ZNF827: variants seen among roughly 807,000 people sequenced by gnomAD.
ZNF827 encodes zinc finger protein 827.
A neutral mutation model predicts 102.4 loss-of-function variants in ZNF827; 13 were observed. The ratio of observed to expected loss-of-function variants is 0.13; its 90% CI spans 0.08 to 0.20. The LOEUF is 0.20. Among genes scored for constraint, ZNF827 ranks in the 10% least tolerant of loss-of-function variants. ZNF827 has a pLI of 1.00. For missense variants in ZNF827, 1,103 were observed against 1,344.4 expected (o/e 0.82, Z 2.81); for synonymous variants, 523 against 536.2 (o/e 0.98, Z 0.34).
chr4:145,902,911 G>A lies in ZNF827; in HGVS notation c.348C>T (p.Asn116=), dbSNP rs1007041612. 1.9e-6 allele frequency: 3 copies of A among 1,614,064 alleles called. No homozygotes were observed. In the African/African-American group the frequency reaches 4.0e-5, roughly 22 times the overall value. The change falls in exon 2 of 15, where the codon AAC becomes AAT. Residue 116 remains asparagine, a synonymous_variant. Transcript: ENST00000508784. This position sits in a 1 kb window ranked among gnomAD's most constrained non-coding sequence, Gnocchi z 4.3. ...GCCTCAAATTGCTGCTCAGGGGCTTGTTGGAGCCTGGGTCATCGTCACACA... is the reference window on the plus strand; with the variant it reads ...GCCTCAAATTGCTGCTCAGGGGCTTATTGGAGCCTGGGTCATCGTCACACA... ...SSLCDDDPGS[N]KPLSSNLRRL...
rs1270082675 is a variant in ZNF827, at chr4:145,846,031, G to A, written c.2222-18C>T. ...CACTTTTTCTGTAAGGAGAAAGAAT[G>A]AAACATACACCTCTTAGGTTGTTCT... On this transcript the variant is annotated intron_variant, in intron 6 of 14. Transcript: ENST00000508784. The A allele has an allele frequency of 6.2e-7, 1 of 1,613,794 alleles. No homozygotes were observed. The highest frequency in any genetic ancestry group is 1.1e-5 in the South Asian group (1 of 91,060).
chr4:145,823,553 T>G, intron 7 of ZNF827, 28 bp from the exon 8 acceptor site: 9 of 1,500,612 alleles, frequency 6.0e-6, no homozygotes, highest in Non-Finnish European at 8.4e-6. Context: ...GAGTGAAGTT[T>G]AGTAAATTAA....
At chr4:145,917,514 C>G (rs916395466) in intron 1 of ZNF827, among the ~76,000 whole-genome samples, 1 of 151,882 alleles carries the variant, frequency 6.6e-6, no homozygotes, top group Non-Finnish European at 1.5e-5. Context: ...CTTAAAGTCC[C>G]TCTTGATTAC....
At chr4:145,922,881 CA>C (rs1256887673) in intron 1 of ZNF827, among the ~76,000 whole-genome samples, 1 of 152,196 alleles carries the variant, frequency 6.6e-6, no homozygotes, top group Non-Finnish European at 1.5e-5. Flanking sequence ...AGCTTTCAAA[CA>C]AGAATTAAAA....
intron 1 of ZNF827, among the ~76,000 whole-genome samples, chr4:145,913,073 T>C (rs1357001413): frequency 6.6e-6 from 1 of 151,990 alleles, no homozygotes; most frequent in Non-Finnish European, 1.5e-5. Flanking sequence ...GGACTATGAG[T>C]GGACTAATAA....
intron 1 of ZNF827, among the ~76,000 whole-genome samples, chr4:145,918,332 C>CAAAAAAA (rs34428145): frequency 9.0e-5 from 2 of 22,142 alleles, no homozygotes; most frequent in African/African-American, 2.3e-4. Context: ...TAGCTCAAGG[C>CAAAAAAA]AAAAAAAAAA....
At chr4:145,833,598 G>A (rs549021860) in intron 7 of ZNF827, among the ~76,000 whole-genome samples, 12 of 152,058 alleles carry the variant, frequency 7.9e-5, no homozygotes, top group East Asian at 3.9e-4. Context: ...GGCAAGTCCC[G>A]CTTTTCTACG....
intron 1 of ZNF827, among the ~76,000 whole-genome samples, chr4:145,918,842 GTT>G (rs1752870554): frequency 6.6e-6 from 1 of 152,202 alleles, no homozygotes; most frequent in Admixed American, 6.5e-5. Flanking sequence ...GAAAGCCACT[GTT>G]TTAGATGACC....
At chr4:145,914,169 A>G (rs974191005) in intron 1 of ZNF827, among the ~76,000 whole-genome samples, 1 of 152,162 alleles carries the variant, frequency 6.6e-6, no homozygotes, top group Admixed American at 6.5e-5. Context: ...AAAACTTCAT[A>G]CAGTAAGTCC....
At chr4:145,828,147 G>A (rs1447302059) in intron 7 of ZNF827, among the ~76,000 whole-genome samples, 2 of 152,112 alleles carry the variant, frequency 1.3e-5, no homozygotes, top group Non-Finnish European at 2.9e-5. Context: ...ACTTTACGAC[G>A]TGCCCCGAAG....
At chr4:145,853,795 A>G (rs375555126) in intron 5 of ZNF827, among the ~76,000 whole-genome samples, 5 of 151,998 alleles carry the variant, frequency 3.3e-5, no homozygotes, top group Admixed American at 6.6e-5. Context: ...GCAAAACCCT[A>G]TATCATAAAA....
chr4:145,878,970 A>C (rs1749432323), intron 4 of ZNF827, among the ~76,000 whole-genome samples: 1 of 152,154 alleles, frequency 6.6e-6, no homozygotes, highest in African/African-American at 2.4e-5. Context: ...GATGGAGTGT[A>C]GATGAAAATT....
intron 2 of ZNF827, 140 bp from the exon 3 acceptor site, chr4:145,892,555 A>G (rs944322373): frequency 7.3e-6 from 7 of 963,532 alleles, no homozygotes; most frequent in Non-Finnish European, 1.0e-5. Flanking sequence ...GATTTTATCC[A>G]TAAGAAAGTT....
Position 145,759,179 on chromosome 4 carries a change from T to C in ZNF827, c.*2437A>G, listed in dbSNP as rs1465927930. The C allele has an allele frequency of 1.3e-5, 2 of 152,242 alleles. No individual in the cohort carries two copies. Among genetic ancestry groups the C allele is most frequent in the Non-Finnish European group, 2.9e-5 (2 of 68,042 alleles). The allele number at this position is 152,242 out of a possible 1,614,324, so 9.4% of individuals were successfully genotyped here. A position where few individuals can be genotyped will look rare whatever the true frequency, so the allele number is the denominator to read the frequency against. On this transcript the variant is annotated 3_prime_UTR_variant, in exon 15 of 15. Transcript: ENST00000508784. ...CTTTTATATTCCAAACTTCCCATTA[T>C]TATACAAAGAACATTTCTTCCTGCT... is the stretch of plus-strand genomic sequence containing the variant.
In ZNF827 at chr4:145,923,861, A is replaced by C. The variant is rs572816516; in HGVS notation, c.43+14504T>G. On this transcript the variant is annotated intron_variant, in intron 1 of 14. Transcript: ENST00000508784. ...AATAGATACAATGCATACGCACAAA[A>C]GGTTTTTGGAGTTTAGGGGTCCTGG... 2.0e-5 allele frequency among the ~76,000 whole-genome samples: 3 copies of C among 152,356 alleles called. No homozygotes were observed. The East Asian group carries it at 5.8e-4, about 29-fold the overall frequency.
At chr4:145,769,819 A>G (rs1735966495) in intron 11 of ZNF827, among the ~76,000 whole-genome samples, 1 of 152,246 alleles carries the variant, frequency 6.6e-6, no homozygotes, top group Non-Finnish European at 1.5e-5. Context: ...CTTAAAAAAC[A>G]AAACAAAACC....
chr4:145,796,882 C>T (rs868311054), intron 8 of ZNF827, among the ~76,000 whole-genome samples: 8 of 152,156 alleles, frequency 5.3e-5, no homozygotes, highest in South Asian at 4.1e-4. Context: ...CCACCAGCCT[C>T]GGCCTCCCAA....
At chr4:145,904,397 G>A (rs980976446) in intron 1 of ZNF827, among the ~76,000 whole-genome samples, 3 of 152,210 alleles carry the variant, frequency 2.0e-5, no homozygotes, top group African/African-American at 7.2e-5. Context: ...TAAGTCCATG[G>A]AAAACCACAT....
intron 7 of ZNF827, chr4:145,839,354 A>G (rs1745195429): frequency 6.6e-6 from 1 of 152,242 alleles, no homozygotes; most frequent in East Asian, 1.9e-4. Flanking sequence ...AAGGAAGTGA[A>G]CCCTGCACAT....
Sources: allele counts gnomAD v4.1 joint callset (sites outside exome capture counted in the v4.1 genomes callset), GRCh38; gene constraint gnomAD v4.1.1; non-coding constraint Gnocchi (gnomAD v3.1); transcripts MANE v1.5; gene names NCBI Gene and HGNC (gene_info 2026-07-23, HGNC 2026-07-21).